The following NEDD9 variants were observed in gnomAD, a reference collection of about 807,000 sequenced individuals.
NEDD9 encodes neural precursor cell expressed, developmentally down-regulated 9.
A neutral mutation model predicts 76.6 loss-of-function variants in NEDD9; 26 were observed. The observed-to-expected ratio is 0.34, with a 90% CI of 0.25 to 0.47. The LOEUF is 0.47. Among genes scored for constraint, NEDD9 ranks in the 20% least tolerant of loss-of-function variants. The pLI is 1.00. For synonymous variants in NEDD9, 392 were observed against 414.2 expected (o/e 0.95, Z 0.65); for missense variants, 937 against 1,058.5 (o/e 0.89, Z 1.59).
At position 11,237,767 on chromosome 6, in the gene NEDD9, A is replaced by G. The variant is rs1031762308; in HGVS notation, c.13-24040T>C. 2.0e-5 allele frequency among the ~76,000 whole-genome samples: 3 copies of G among 152,172 alleles called. No individual in the cohort carries two copies. The highest frequency in any genetic ancestry group is 2.9e-5 in the Non-Finnish European group (2 of 68,036). ...GAAAAAGTATTATTTGGTTGTCTCT[A>G]GAAGTTTGCCGACCCACACTCTAGA... On this transcript the variant is annotated intron_variant, in intron 3 of 3. Transcript: ENST00000397378. This position sits in a 1 kb window ranked among gnomAD's most constrained non-coding sequence, Gnocchi z 4.9.
At chr6:11,333,897 C>T (rs1171873169) in intron 2 of NEDD9, among the ~76,000 whole-genome samples, 2 of 152,188 alleles carry the variant, frequency 1.3e-5, no homozygotes, top group Non-Finnish European at 2.9e-5. Context: ...ATCCTTCTGC[C>T]ACCTCCTTTT....
intron 3 of NEDD9, among the ~76,000 whole-genome samples, chr6:11,299,529 C>T (rs772473055): frequency 9.2e-5 from 14 of 152,194 alleles, no homozygotes; most frequent in Admixed American, 2.6e-4. Context: ...ATTTGAGCTC[C>T]AAGAACGGAC....
At position 11,213,475 on chromosome 6, in the gene NEDD9, G is replaced by C. The variant is rs745353689; in HGVS notation, c.265C>G (p.Gln89Glu). Residue 89 changes from glutamine to glutamate, a missense_variant, in exon 2 of 7, where the codon CAG becomes GAG. Coordinates refer to ENST00000379446, the MANE Select transcript of NEDD9 (RefSeq NM_006403.4). The surrounding 1 kb of genome is among the most constrained non-coding windows in gnomAD (Gnocchi z 5.4). Reference sequence around the variant, plus strand: ...GGGTTTGGCACTTGATAGAGCTTCTGTTGGCCAAAGGTCTGCTGCATCAGT... The same window carrying C: ...GGGTTTGGCACTTGATAGAGCTTCTCTTGGCCAAAGGTCTGCTGCATCAGT... ...SGLMQQTFGQQKLYQVPNPQA... is the reference protein window; with the variant it reads ...SGLMQQTFGQEKLYQVPNPQA... 9 of 1,614,150 alleles carry C rather than the reference G, an allele frequency of 5.6e-6. No individual in the cohort carries two copies. The highest frequency in any genetic ancestry group is 6.8e-6 in the Non-Finnish European group (8 of 1,180,036).
intron 2 of NEDD9, among the ~76,000 whole-genome samples, chr6:11,327,995 T>C (rs1228104999): frequency 1.3e-5 from 2 of 152,232 alleles, no homozygotes; most frequent in Non-Finnish European, 2.9e-5. Context: ...GTCAAAAGCC[T>C]TCCACAGATC....
intron 2 of NEDD9, among the ~76,000 whole-genome samples, chr6:11,306,752 T>C (rs551094799): frequency 6.6e-6 from 1 of 152,348 alleles, no homozygotes; most frequent in East Asian, 1.9e-4. Flanking sequence ...ACTGGAGCCA[T>C]ATGCTTTTCT....
In NEDD9 at chr6:11,201,704, A is replaced by AATAT. The variant is rs3837001; in HGVS notation, c.460-8016_460-8013dup. Reference sequence around the variant, plus strand: ...ATGCATCAAAATTTTAAAAATTACAAATATATATATATTTTGTCATTTTAA... The same window carrying AATAT: ...ATGCATCAAAATTTTAAAAATTACAAATATATATATATATATTTTGTCATTTTAA... On this transcript the variant is annotated intron_variant, in intron 2 of 6. Coordinates refer to ENST00000379446, the MANE Select transcript of NEDD9 (RefSeq NM_006403.4). Among the ~76,000 whole-genome samples the AATAT allele has an allele frequency of 9.9e-5, 15 of 151,814 alleles. No individual in the cohort carries two copies. In the East Asian group the frequency reaches 1.3e-3, roughly 14 times the overall value.
chr6:11,238,345 A>G (rs1001240468), intron 3 of NEDD9, among the ~76,000 whole-genome samples: 5 of 152,240 alleles, frequency 3.3e-5, no homozygotes, highest in Non-Finnish European at 7.3e-5. Context: ...GGCCCTGACC[A>G]TGGAGCTATA....
intron 3 of NEDD9, among the ~76,000 whole-genome samples, chr6:11,269,899 G>T (rs1469928886): frequency 6.6e-6 from 1 of 152,210 alleles, no homozygotes; most frequent in South Asian, 2.1e-4. Flanking sequence ...GGCCAAGGCG[G>T]GTGGATCACC....
intron 2 of NEDD9, among the ~76,000 whole-genome samples, chr6:11,211,976 C>T (rs1173785413): frequency 2.4e-5 from 1 of 41,420 alleles, no homozygotes; most frequent in Admixed American, 2.6e-4. Context: ...GGTCTCTAGG[C>T]TGCCTCTTTC....
chr6:11,198,960 G>A lies in NEDD9; in HGVS notation c.460-5268C>T, dbSNP rs1318328641. On this transcript the variant is annotated intron_variant, in intron 2 of 6. Coordinates refer to ENST00000379446, the MANE Select transcript of NEDD9 (RefSeq NM_006403.4). This position sits in a 1 kb window ranked among gnomAD's most constrained non-coding sequence, Gnocchi z 4.7. ...AGGTGAAGTTGAGAAATCAGAAACT[G>A]TAGAAGAATGCACCCCAAGTTGGGT... 2 of 152,286 alleles carry A rather than the reference G, an allele frequency of 1.3e-5. No individual in the cohort carries two copies. Among genetic ancestry groups the A allele is most frequent in the African/African-American group, 4.8e-5 (2 of 41,448 alleles). 9.4% of individuals were successfully genotyped at this position (152,286 alleles called of 1,614,324 possible).
intron 2 of NEDD9, chr6:11,199,566 T>G (rs1758376463): frequency 6.7e-6 from 1 of 148,624 alleles, no homozygotes; most frequent in African/African-American, 2.5e-5. Flanking sequence ...CCAGAAATCA[T>G]GGACTAGGTA....
intron 3 of NEDD9, among the ~76,000 whole-genome samples, chr6:11,250,649 T>A (rs181553714): frequency 6.6e-6 from 1 of 152,306 alleles, no homozygotes; most frequent in Admixed American, 6.5e-5. Flanking sequence ...ACCTGTAAGC[T>A]GAGTCCAGAC....
intron 2 of NEDD9, among the ~76,000 whole-genome samples, chr6:11,325,920 C>T (rs998110195): frequency 2.0e-5 from 3 of 152,038 alleles, no homozygotes; most frequent in Admixed American, 6.6e-5. Context: ...CCGAGGCGGG[C>T]GGATCACCTG....
intron 2 of NEDD9, among the ~76,000 whole-genome samples, chr6:11,332,940 C>T (rs1360471643): frequency 2.0e-5 from 3 of 151,736 alleles, no homozygotes; most frequent in Admixed American, 2.0e-4. Context: ...TATGTCAGCT[C>T]AGCACATAGA....
upstream of NEDD9, among the ~76,000 whole-genome samples, chr6:11,233,821 C>T (rs1440640170): frequency 6.6e-6 from 1 of 152,134 alleles, no homozygotes; most frequent in Non-Finnish European, 1.5e-5. Flanking sequence ...CAGACAATAG[C>T]TGTCCCTGAG....
intron 1 of NEDD9, among the ~76,000 whole-genome samples, chr6:11,217,720 G>C (rs1040114236): frequency 1.3e-5 from 2 of 152,244 alleles, no homozygotes; most frequent in Non-Finnish European, 2.9e-5. Context: ...CAGGCCTCTT[G>C]TCTTCAGGTC....
chr6:11,281,110 T>A (rs968497299), intron 3 of NEDD9, among the ~76,000 whole-genome samples: 1 of 152,262 alleles, frequency 6.6e-6, no homozygotes, highest in Non-Finnish European at 1.5e-5. Context: ...ATTTGTATCA[T>A]TGCTGTGGAA....
intron 3 of NEDD9, among the ~76,000 whole-genome samples, chr6:11,284,569 A>AG (rs1248040685): frequency 6.6e-6 from 1 of 151,418 alleles, no homozygotes; most frequent in Non-Finnish European, 1.5e-5. Flanking sequence ...CTGTCTCAAA[A>AG]AAATAAAAAA....
intron 4 of NEDD9, 35 bp from the exon 5 acceptor site, chr6:11,191,240 T>C (rs757640590): frequency 6.5e-7 from 1 of 1,536,796 alleles, no homozygotes; most frequent in Non-Finnish European, 8.7e-7. Context: ...TGCTATTTAT[T>C]GAGTTGGCTC....
Sources: gnomAD v4.1 joint callset for allele counts (sites outside exome capture counted in the v4.1 genomes callset) on GRCh38, gnomAD v4.1.1 for gene constraint, Gnocchi (gnomAD v3.1) non-coding constraint, MANE v1.5 for transcripts, NCBI Gene and HGNC (gene_info 2026-07-23, HGNC 2026-07-21) for gene names.